ART1: variants seen among roughly 807,000 people sequenced by gnomAD.
The protein encoded by ART1 is GPI-linked NAD(P)(+)--arginine ADP-ribosyltransferase 1.
ART1 carries 29 observed loss-of-function variants against 27.0 expected under a neutral mutation model. The observed-to-expected ratio is 1.08, with a 90% CI of 0.80 to 1.47. The LOEUF (loss-of-function observed/expected upper bound fraction) is 1.47. Among genes scored for constraint, ART1 ranks in the 40% most tolerant of loss-of-function variants. The probability of loss-of-function intolerance (pLI) is 0.00; values close to 1 mark genes in which losing one functional copy is unlikely to be tolerated. For missense variants in ART1, 480 were observed against 423.0 expected, an observed-to-expected ratio of 1.13 and a Z score of -1.18; for synonymous variants, 201 against 172.2, an observed-to-expected ratio of 1.17 and a Z score of -1.31.
intron 1 of ART1, among the ~76,000 whole-genome samples, chr11:3,658,357 A>G (rs1333018476): frequency 6.6e-6 from 1 of 150,438 alleles, no homozygotes; most frequent in Non-Finnish European, 1.5e-5. Flanking sequence ...AAAGAGAGAG[A>G]AAGAAAAAAA....
intron 1 of ART1, among the ~76,000 whole-genome samples, chr11:3,650,753 C>G (rs2077514986): frequency 6.6e-6 from 1 of 151,608 alleles, no homozygotes; most frequent in Admixed American, 6.6e-5. Context: ...TGGGCTACAG[C>G]CACACCTCAT....
intron 3 of ART1, among the ~76,000 whole-genome samples, chr11:3,660,841 G>A (rs138194934): frequency 6.6e-6 from 1 of 152,240 alleles, no homozygotes; most frequent in African/African-American, 2.4e-5. Context: ...TGGGGGCAAG[G>A]AGACAGCAGT....
intron 1 of ART1, among the ~76,000 whole-genome samples, chr11:3,649,405 C>G (rs141275740): frequency 1.3e-5 from 2 of 152,218 alleles, no homozygotes; most frequent in Non-Finnish European, 2.9e-5. Context: ...AGGTGCCTGA[C>G]GTCAAGGCAT....
chr11:3,660,319 G>C lies in ART1; in HGVS notation c.800G>C (p.Arg267Pro). 6.2e-7 allele frequency: 1 copy of C among 1,606,726 alleles called. No homozygotes were observed. Among genetic ancestry groups the C allele is most frequent in the Non-Finnish European group, 8.5e-7 (1 of 1,179,936 alleles). The change falls in exon 3 of 5, where the codon CGA (arginine) becomes CCA (proline). Residue 267 changes from arginine to proline, a missense_variant. Physicochemically the swap from Arg to Pro is moderately radical, Grantham distance 103. Coordinates refer to ENST00000250693, the MANE Select transcript of ART1 (RefSeq NM_004314.3). ...CAGGGCCCCGCCCGCATCTACCTCC[G>C]AGCCCTGGGCAAGCACAGCACCTAC... is the stretch of plus-strand genomic sequence containing the variant. ...LAQGPARIYL[R>P]ALGKHSTYNC...
intron 1 of ART1, among the ~76,000 whole-genome samples, chr11:3,646,829 T>G (rs1258405420): frequency 6.6e-6 from 1 of 152,156 alleles, no homozygotes; most frequent in Admixed American, 6.5e-5. Flanking sequence ...GATCATTCAT[T>G]CAATACATTT....
At chr11:3,649,386 A>G (rs893254435) in intron 1 of ART1, among the ~76,000 whole-genome samples, 8 of 152,202 alleles carry the variant, frequency 5.3e-5, no homozygotes, top group Non-Finnish European at 1.5e-5. Context: ...AAAATGGACA[A>G]ACGGTCTGAG....
chr11:3,651,257 C>T (rs1020076358), intron 1 of ART1, among the ~76,000 whole-genome samples: 2 of 148,206 alleles, frequency 1.3e-5, no homozygotes, highest in African/African-American at 5.1e-5. Context: ...TTAGACTGAC[C>T]CTGACACCCA....
chr11:3,656,390 T>A (rs11028811), intron 1 of ART1, among the ~76,000 whole-genome samples: 1,245 of 44,010 alleles, frequency 0.028, 21 homozygotes, highest in Admixed American at 0.17. Context: ...TTATTTATTT[T>A]TTAAATTTTT....
chr11:3,652,336 A>T (rs867482589), intron 1 of ART1, among the ~76,000 whole-genome samples: 4,257 of 140,740 alleles, frequency 0.03, 188 homozygotes, highest in African/African-American at 0.09. Context: ...TACAGTCTGA[A>T]AACAGACCAG....
chr11:3,659,280 T>C lies in ART1; in HGVS notation c.63+4T>C. 1.9e-6 allele frequency: 3 copies of C among 1,614,148 alleles called. No homozygotes were observed. Among genetic ancestry groups the C allele is most frequent in the South Asian group, 1.1e-5 (1 of 91,082 alleles). ...GGGCCTCATGGAAGCACTTCAGGTA[T>C]GGGCATCCCCCACTGTTCCCACCCC... On this transcript the variant is annotated splice_donor_region_variant and intron_variant, in intron 2 of 4. Coordinates refer to ENST00000250693, the MANE Select transcript of ART1 (RefSeq NM_004314.3).
At chr11:3,658,457 G>C (rs2077591267) in intron 1 of ART1, among the ~76,000 whole-genome samples, 1 of 152,172 alleles carries the variant, frequency 6.6e-6, no homozygotes, top group African/African-American at 2.4e-5. Context: ...CCAGCAAAGA[G>C]GGTGTGGAAG....
intron 1 of ART1, among the ~76,000 whole-genome samples, chr11:3,649,767 G>A (rs2077503357): frequency 1.3e-5 from 2 of 152,200 alleles, no homozygotes; most frequent in Non-Finnish European, 2.9e-5. Context: ...GCGTAGTCAA[G>A]GTTAATGCTC....
chr11:3,656,132 C>T (rs1003035551), intron 1 of ART1, among the ~76,000 whole-genome samples: 10 of 151,948 alleles, frequency 6.6e-5, no homozygotes, highest in Non-Finnish European at 8.8e-5. Context: ...TGGGGTTTCA[C>T]CATGTTGGCC....
At chr11:3,649,301 G>A (rs562015647) in intron 1 of ART1, among the ~76,000 whole-genome samples, 50 of 152,194 alleles carry the variant, frequency 3.3e-4, no homozygotes, top group Non-Finnish European at 6.3e-4. Context: ...ATACAAACTC[G>A]ACAGTGGTTC....
intron 1 of ART1, among the ~76,000 whole-genome samples, chr11:3,650,459 G>T (rs115901547): frequency 3.3e-5 from 5 of 152,126 alleles, no homozygotes; most frequent in Non-Finnish European, 7.3e-5. Flanking sequence ...CAGGGACTCC[G>T]AGCTTTGAGT....
chr11:3,661,907 A>T (rs2077624433), intron 4 of ART1, among the ~76,000 whole-genome samples: 1 of 152,196 alleles, frequency 6.6e-6, no homozygotes, highest in Non-Finnish European at 1.5e-5. Flanking sequence ...AGTGTGTGGG[A>T]GAGCAGATGG....
In ART1 at chr11:3,664,307, C is replaced by A; in HGVS notation, c.*118C>A. The A allele has an allele frequency of 1.0e-6, 1 of 981,376 alleles. No homozygotes were observed. The highest frequency in any genetic ancestry group is 1.5e-6 in the Non-Finnish European group (1 of 645,898). The allele number at this position is 981,376 out of a possible 1,614,324, so 60.8% of individuals were successfully genotyped here. A position where few individuals can be genotyped will look rare whatever the true frequency, so the allele number is the denominator to read the frequency against. Reference sequence around the variant, plus strand: ...ATCCCATCTGCAGGGAACTCTGGGACCTTCTCTGGTAGCTGCCAGACCGGC... The same window carrying A: ...ATCCCATCTGCAGGGAACTCTGGGAACTTCTCTGGTAGCTGCCAGACCGGC... On this transcript the variant is annotated 3_prime_UTR_variant, in exon 5 of 5. Transcript: ENST00000250693.
At chr11:3,658,347 AAAGAG>A (rs950020063) in intron 1 of ART1, among the ~76,000 whole-genome samples, 2 of 151,406 alleles carry the variant, frequency 1.3e-5, no homozygotes, top group African/African-American at 4.8e-5. Context: ...AAAAAAAAAA[AAAGAG>A]AGAGAAAGAA....
chr11:3,647,924 A>AAAAG (rs1021169749), intron 1 of ART1, among the ~76,000 whole-genome samples: 8 of 152,048 alleles, frequency 5.3e-5, no homozygotes, highest in African/African-American at 1.9e-4. Context: ...AGAGGGCAAT[A>AAAAG]AAAGAAGATG....
Sources: allele counts gnomAD v4.1 joint callset (sites outside exome capture counted in the v4.1 genomes callset), GRCh38; gene constraint gnomAD v4.1.1; transcripts MANE v1.5; gene names NCBI Gene and HGNC (gene_info 2026-07-23, HGNC 2026-07-21).